The following PIBF1 variants were observed in gnomAD, a reference collection of about 807,000 sequenced individuals.
PIBF1 encodes progesterone immunomodulatory binding factor 1.
In PIBF1, 90 loss-of-function variants were observed where a neutral mutation model predicts 112.5. That is an observed-to-expected ratio of 0.80 (90% CI 0.67 to 0.95). PIBF1 has a LOEUF of 0.95. PIBF1 is among the 40% of genes least tolerant of loss of function. The probability of loss-of-function intolerance (pLI) is 0.00; values close to 1 mark genes in which losing one functional copy is unlikely to be tolerated. For missense variants in PIBF1, 915 were observed against 852.3 expected, an observed-to-expected ratio of 1.07 and a Z score of -0.92; for synonymous variants, 301 against 288.6, an observed-to-expected ratio of 1.04 and a Z score of -0.44.
intron 10 of PIBF1, among the ~76,000 whole-genome samples, chr13:72,865,889 G>A (rs139262291): frequency 9.4e-4 from 143 of 152,214 alleles, no homozygotes; most frequent in African/African-American, 3.1e-3. Context: ...AAACTATACT[G>A]TATTAATTTC....
At position 72,792,485 on chromosome 13, in the gene PIBF1, C is replaced by T; in HGVS notation, c.291C>T (p.His97=). The T allele has an allele frequency of 6.3e-7, 1 of 1,577,072 alleles. No homozygotes were observed. The highest frequency in any genetic ancestry group is 8.6e-7 in the Non-Finnish European group (1 of 1,165,526). Residue 97 remains histidine, a synonymous_variant, in exon 3 of 18, where the codon CAC becomes CAT. Coordinates refer to ENST00000326291, the MANE Select transcript of PIBF1 (RefSeq NM_006346.4). The stretch of plus-strand genomic sequence containing the variant: ...AGGAGAAACTTAATGATGCACTTCA[C>T]CAGAAGCAGCTACTAACATTGAGAT... The part of the protein sequence containing the change: ...ELEEKLNDAL[H]QKQLLTLRLD...
At chr13:72,795,650 T>C (rs2035157243) in intron 4 of PIBF1, 93 bp downstream of exon 4, 8 of 758,188 alleles carry the variant, frequency 1.1e-5, no homozygotes, top group South Asian at 3.3e-5. Context: ...AAGTACCCAA[T>C]TGATACATTA....
intron 14 of PIBF1, among the ~76,000 whole-genome samples, chr13:72,949,577 A>C (rs2042243924): frequency 6.6e-6 from 1 of 152,128 alleles, no homozygotes; most frequent in Non-Finnish European, 1.5e-5. Flanking sequence ...TCGGCCTCCC[A>C]AAGTGCTGGG....
At chr13:72,797,548 A>AG (rs908171527) in intron 4 of PIBF1, among the ~76,000 whole-genome samples, 10 of 152,306 alleles carry the variant, frequency 6.6e-5, no homozygotes, top group East Asian at 3.9e-4. Context: ...ATATGGGGGA[A>AG]GAACTTCTCT....
rs1279580711 is a variant in PIBF1 at position 72,811,594 on chromosome 13, T to C, written c.673-10255T>C. ...CTGGGTGACAGAACAAAACTCCGTC[T>C]CAAAAAAAAAAAAAAGAGAGAGAAA... On this transcript the variant is annotated intron_variant, in intron 5 of 17. Coordinates refer to ENST00000326291, the MANE Select transcript of PIBF1 (RefSeq NM_006346.4). Among the ~76,000 whole-genome samples the C allele has an allele frequency of 1.0e-4, 5 of 48,836 alleles. No individual in the cohort carries two copies. In the South Asian group the frequency reaches 2.4e-3, roughly 23 times the overall value. 32.0% of individuals were successfully genotyped at this position (48,836 alleles called of 152,430 possible). A position where few individuals can be genotyped will look rare whatever the true frequency, so the allele number is the denominator to read the frequency against.
At chr13:72,916,281 A>G (rs2041089294) in intron 12 of PIBF1, among the ~76,000 whole-genome samples, 2 of 151,946 alleles carry the variant, frequency 1.3e-5, no homozygotes, top group African/African-American at 2.4e-5. Context: ...AATCCCAGCT[A>G]CTGGGGAGGC....
intron 11 of PIBF1, among the ~76,000 whole-genome samples, chr13:72,908,131 A>G (rs979450724): frequency 1.3e-5 from 2 of 152,160 alleles, no homozygotes; most frequent in African/African-American, 4.8e-5. Flanking sequence ...TGAAGGATTT[A>G]TTGTCAGTAT....
At chr13:73,009,932 G>C (rs1211533603) in intron 17 of PIBF1, among the ~76,000 whole-genome samples, 2 of 152,142 alleles carry the variant, frequency 1.3e-5, no homozygotes, top group Admixed American at 6.5e-5. Context: ...TCCTTTTTGA[G>C]TATTAAGATT....
At chr13:72,873,970 A>G (rs189189260) in intron 10 of PIBF1, among the ~76,000 whole-genome samples, 10 of 152,318 alleles carry the variant, frequency 6.6e-5, no homozygotes, top group Admixed American at 6.5e-4. Context: ...AGAAATACAG[A>G]TGACCAATAA....
At chr13:72,908,487 A>C (rs368892630) in intron 11 of PIBF1, 44 bp from the exon 12 acceptor site, 44 of 1,382,738 alleles carry the variant, frequency 3.2e-5, no homozygotes, top group Non-Finnish European at 4.3e-5. Flanking sequence ...TTAACTGTGC[A>C]CCTGTTTAAT....
intron 11 of PIBF1, among the ~76,000 whole-genome samples, chr13:72,906,993 G>C (rs2040725816): frequency 3.3e-5 from 5 of 152,038 alleles, no homozygotes; most frequent in Admixed American, 3.3e-4. Flanking sequence ...ACTGAGTAAT[G>C]ATTTTTTTAT....
intron 15 of PIBF1, among the ~76,000 whole-genome samples, chr13:72,972,475 C>A (rs976509444): frequency 6.6e-6 from 1 of 152,094 alleles, no homozygotes; most frequent in Non-Finnish European, 1.5e-5. Context: ...ACCAGCCTGG[C>A]CAGCATGGTG....
chr13:72,881,517 AC>A (rs753036544), intron 10 of PIBF1, among the ~76,000 whole-genome samples: 94 of 152,238 alleles, frequency 6.2e-4, no homozygotes, highest in Non-Finnish European at 9.9e-4. Flanking sequence ...GGAGTTTGAG[AC>A]CAGCCTGGCC....
intron 11 of PIBF1, among the ~76,000 whole-genome samples, chr13:72,904,720 TGTGAG>T (rs2040631329): frequency 6.6e-6 from 1 of 151,780 alleles, no homozygotes; most frequent in Non-Finnish European, 1.5e-5. Context: ...GGATTACAAG[TGTGAG>T]CCACCATGCC....
At chr13:72,845,034 A>G (rs527620203) in intron 9 of PIBF1, among the ~76,000 whole-genome samples, 1 of 151,904 alleles carries the variant, frequency 6.6e-6, no homozygotes, top group South Asian at 2.1e-4. Flanking sequence ...GGTTTGTTGC[A>G]TAGGTATACA....
At chr13:72,960,682 A>G (rs2042581017) in intron 14 of PIBF1, among the ~76,000 whole-genome samples, 1 of 152,224 alleles carries the variant, frequency 6.6e-6, no homozygotes, top group African/African-American at 2.4e-5. Flanking sequence ...ACACAAAGCA[A>G]CTTGTCAGTT....
intron 5 of PIBF1, among the ~76,000 whole-genome samples, chr13:72,804,744 T>G (rs1345693759): frequency 1.3e-5 from 2 of 152,178 alleles, no homozygotes; most frequent in African/African-American, 4.8e-5. Context: ...GGGTGCCATG[T>G]TTCGAGGTGT....
intron 2 of PIBF1, among the ~76,000 whole-genome samples, chr13:72,790,486 C>CACA (rs1566271774): frequency 7.4e-6 from 1 of 134,914 alleles, no homozygotes; most frequent in Non-Finnish European, 1.6e-5. Flanking sequence ...TCACACACAC[C>CACA]CTTATAGATA....
chr13:72,819,456 T>G (rs1387267644), intron 5 of PIBF1, among the ~76,000 whole-genome samples: 2 of 152,114 alleles, frequency 1.3e-5, no homozygotes, highest in African/African-American at 4.8e-5. Flanking sequence ...CTTGTTTCAT[T>G]TTTTAAAACC....
Sources: allele counts gnomAD v4.1 joint callset (sites outside exome capture counted in the v4.1 genomes callset), GRCh38; gene constraint gnomAD v4.1.1; transcripts MANE v1.5; gene names NCBI Gene and HGNC (gene_info 2026-07-23, HGNC 2026-07-21).